The following TANC2 variants were observed in gnomAD, a reference collection of about 807,000 sequenced individuals.
The protein encoded by TANC2 is tetratricopeptide repeat, ankyrin repeat and coiled-coil containing 2.
TANC2 carries 26 observed loss-of-function variants against 210.5 expected under a neutral mutation model. That is an observed-to-expected ratio of 0.12 (90% CI 0.09 to 0.17). The LOEUF (loss-of-function observed/expected upper bound fraction) is 0.17, where lower values mean the gene tolerates loss of function less well. TANC2 is among the 10% of genes least tolerant of loss of function. The probability of loss-of-function intolerance (pLI) is 1.00; values close to 1 mark genes in which losing one functional copy is unlikely to be tolerated. For missense variants in TANC2, 2,129 were observed against 2,608.9 expected, an observed-to-expected ratio of 0.82 and a Z score of 4.01; for synonymous variants, 931 against 967.1, an observed-to-expected ratio of 0.96 and a Z score of 0.69.
At chr17:63,243,078 C>T (rs918972108) in intron 8 of TANC2, among the ~76,000 whole-genome samples, 1 of 152,114 alleles carries the variant, frequency 6.6e-6, no homozygotes, top group African/African-American at 2.4e-5. Context: ...CTTTGATCTC[C>T]GACCCAAAGT....
At chr17:63,286,736 G>C (rs2044233487) in intron 9 of TANC2, among the ~76,000 whole-genome samples, 1 of 152,102 alleles carries the variant, frequency 6.6e-6, no homozygotes, top group South Asian at 2.1e-4. Context: ...AACTATATTT[G>C]TCCACTTGGA....
intron 9 of TANC2, among the ~76,000 whole-genome samples, chr17:63,278,994 A>C (rs536520043): frequency 6.6e-6 from 1 of 152,274 alleles, no homozygotes; most frequent in East Asian, 1.9e-4. Context: ...CAATCATGAA[A>C]GATGAAAAAG....
intron 7 of TANC2, among the ~76,000 whole-genome samples, chr17:63,232,899 G>A (rs2042517686): frequency 6.6e-6 from 1 of 152,236 alleles, no homozygotes; most frequent in Admixed American, 6.5e-5. Context: ...CTGCAACTGC[G>A]GCTGCCTCTC....
intron 9 of TANC2, among the ~76,000 whole-genome samples, chr17:63,298,457 C>T (rs1216810005): frequency 6.6e-6 from 1 of 152,126 alleles, no homozygotes; most frequent in East Asian, 1.9e-4. Context: ...TGTCACATCT[C>T]GTTTGTGAGA....
chr17:63,425,835 G>T (rs966368024), exon 28 of TANC2: 1 of 152,272 alleles, frequency 6.6e-6, no homozygotes, highest in Admixed American at 6.5e-5. Flanking sequence ...AGAGGGATGG[G>T]TACATGGAGA....
chr17:63,393,823 T>C (rs920292961), intron 17 of TANC2, among the ~76,000 whole-genome samples: 2 of 151,238 alleles, frequency 1.3e-5, no homozygotes, highest in African/African-American at 4.9e-5. Context: ...CAGGCTGGAG[T>C]GCAATGGCAT....
chr17:63,287,600 A>G (rs1423184296), intron 9 of TANC2, among the ~76,000 whole-genome samples: 1 of 152,066 alleles, frequency 6.6e-6, no homozygotes, highest in Non-Finnish European at 1.5e-5. Flanking sequence ...GTTAAGCAGG[A>G]CCACAGCAGC....
At chr17:63,132,788 T>C (rs1013763292) in intron 4 of TANC2, among the ~76,000 whole-genome samples, 2 of 152,204 alleles carry the variant, frequency 1.3e-5, no homozygotes, top group African/African-American at 4.8e-5. Flanking sequence ...TGTGATTTAG[T>C]AGCAACTGCA....
intron 3 of TANC2, among the ~76,000 whole-genome samples, chr17:63,093,025 A>C (rs985296680): frequency 6.6e-6 from 1 of 152,104 alleles, no homozygotes. Flanking sequence ...ATTTTCTTTC[A>C]ATCGGTACTG....
In TANC2 at chr17:63,246,628, G is replaced by T. The variant is rs551109523; in HGVS notation, c.1033+8551G>T. ...GCATAATGTTTTTGAGGTTTATGAC[G>T]TATATATATCAGTAGTTTCTTCCTT... On this transcript the variant is annotated intron_variant, in intron 8 of 27. Coordinates refer to ENST00000689528, the Ensembl canonical transcript of TANC2. 2.6e-5 allele frequency among the ~76,000 whole-genome samples: 4 copies of T among 152,146 alleles called. No homozygotes were observed. In the South Asian group the frequency reaches 6.2e-4, roughly 24 times the overall value.
At chr17:63,034,815 A>G (rs1244358966) in intron 2 of TANC2, among the ~76,000 whole-genome samples, 2 of 152,210 alleles carry the variant, frequency 1.3e-5, no homozygotes, top group Non-Finnish European at 2.9e-5. Flanking sequence ...TCTCATGATA[A>G]AACTTGAATG....
chr17:63,197,310 AATATT>A (rs1321795299), intron 6 of TANC2, among the ~76,000 whole-genome samples: 2 of 152,176 alleles, frequency 1.3e-5, no homozygotes, highest in African/African-American at 4.8e-5. Flanking sequence ...ACAAATTTAA[AATATT>A]AATAATGAAG....
At chr17:63,184,144 C>G (rs897789030) in intron 5 of TANC2, among the ~76,000 whole-genome samples, 1 of 152,060 alleles carries the variant, frequency 6.6e-6, no homozygotes, top group African/African-American at 2.4e-5. Flanking sequence ...TCCTTGAAAT[C>G]TCTTGATTTC....
In TANC2 at chr17:63,418,402, C is replaced by T; in HGVS notation, c.4263C>T (p.Ser1421=). The change falls in exon 27 of 28, where the codon AGC becomes AGT. Residue 1421 remains serine, a synonymous_variant. Coordinates refer to ENST00000689528, the Ensembl canonical transcript of TANC2. This position sits in a 1 kb window ranked among gnomAD's most constrained non-coding sequence, Gnocchi z 4.6. ...ATGCGAGAGCAAGGGCAAAACGCAG[C>T]AGCAGGTGAGGAGAGAGAGAGAGGG... 2 of 1,611,366 alleles carry T rather than the reference C, an allele frequency of 1.2e-6. No homozygotes were observed. The highest frequency in any genetic ancestry group is 1.7e-6 in the Non-Finnish European group (2 of 1,178,792).
intron 4 of TANC2, among the ~76,000 whole-genome samples, chr17:63,143,479 A>G (rs1469892364): frequency 1.3e-5 from 2 of 152,212 alleles, no homozygotes. Flanking sequence ...ATCAATTTAT[A>G]TTTCACAGCT....
chr17:63,256,889 T>C (rs1052308835), intron 8 of TANC2, among the ~76,000 whole-genome samples: 4 of 152,190 alleles, frequency 2.6e-5, no homozygotes, highest in African/African-American at 7.2e-5. Flanking sequence ...TTTTATAATT[T>C]TTGTCTTGAA....
chr17:63,353,934 T>C (rs2046701105), intron 13 of TANC2, among the ~76,000 whole-genome samples: 1 of 151,988 alleles, frequency 6.6e-6, no homozygotes, highest in Non-Finnish European at 1.5e-5. Context: ...TGCAGCCTGA[T>C]TGGAACAAAT....
intron 2 of TANC2, among the ~76,000 whole-genome samples, chr17:63,030,950 T>A: frequency 6.6e-6 from 1 of 152,068 alleles, no homozygotes; most frequent in Non-Finnish European, 1.5e-5. Flanking sequence ...ATCCAAATAT[T>A]TTGATAAGAA....
At chr17:63,152,232 A>C (rs2039677444) in intron 5 of TANC2, 1 of 152,206 alleles carries the variant, frequency 6.6e-6, no homozygotes, top group Non-Finnish European at 1.5e-5. Context: ...TACAACTACT[A>C]CATATTTACA....
Sources: gnomAD v4.1 joint callset for allele counts (sites outside exome capture counted in the v4.1 genomes callset) on GRCh38, gnomAD v4.1.1 for gene constraint, Gnocchi (gnomAD v3.1) non-coding constraint, MANE v1.5 for transcripts, NCBI Gene and HGNC (gene_info 2026-07-23, HGNC 2026-07-21) for gene names.